ATXN3: variants seen among roughly 807,000 people sequenced by gnomAD.
The protein encoded by ATXN3 is ataxin-3.
In ATXN3, 28 loss-of-function variants were observed where a neutral mutation model predicts 58.2. The ratio of observed to expected loss-of-function variants is 0.48; its 90% CI spans 0.36 to 0.66. The LOEUF is 0.66. ATXN3 is among the 30% of genes least tolerant of loss of function. ATXN3 has a pLI of 0.00. For synonymous variants in ATXN3, 113 were observed against 138.5 expected, an observed-to-expected ratio of 0.82 and a Z score of 1.29; for missense variants, 321 against 422.1, an observed-to-expected ratio of 0.76 and a Z score of 2.10.
At chr14:92,071,174 T>C in intron 9 of ATXN3, 121 bp from the exon 10 acceptor site, 1 of 1,410,032 alleles carries the variant, frequency 7.1e-7, no homozygotes, top group Non-Finnish European at 9.7e-7. Flanking sequence ...TCACTGGTAT[T>C]AAAAGAATGC....
At chr14:92,052,419 C>T (rs1004119301), upstream of ATXN3, among the ~76,000 whole-genome samples, 18 of 151,604 alleles carry the variant, frequency 1.2e-4, no homozygotes, top group East Asian at 1.9e-4. Context: ...ACCCAGGAGG[C>T]GGAGGTTGCG....
At chr14:92,083,394 C>A in intron 6 of ATXN3, 136 bp from the exon 7 acceptor site, 1 of 888,362 alleles carries the variant, frequency 1.1e-6, no homozygotes. Context: ...GACTTTAGTC[C>A]AAATAATGAT....
intron 1 of ATXN3, among the ~76,000 whole-genome samples, chr14:92,099,482 T>TCCTCCTTATATATTTCTACTA (rs2066222308): frequency 6.6e-6 from 1 of 152,228 alleles, no homozygotes; most frequent in Non-Finnish European, 1.5e-5. Context: ...CACTTCTTTC[T>TCCTCCTTATATATTTCTACTA]CCTCCTTATA....
chr14:92,057,015 T>C (rs2057473204), downstream of ATXN3, among the ~76,000 whole-genome samples: 1 of 152,216 alleles, frequency 6.6e-6, no homozygotes, highest in Non-Finnish European at 1.5e-5. Context: ...TCCTCCTCAC[T>C]GCTACACTCC....
chr14:92,076,483 G>A (rs1375910845), intron 9 of ATXN3, among the ~76,000 whole-genome samples: 2 of 147,010 alleles, frequency 1.4e-5, no homozygotes, highest in Non-Finnish European at 3.0e-5. Context: ...AGCTCAATTT[G>A]TTGGAAGTTT....
intron 5 of ATXN3, among the ~76,000 whole-genome samples, chr14:92,089,633 C>T (rs979369868): frequency 5.3e-5 from 8 of 152,108 alleles, no homozygotes; most frequent in Non-Finnish European, 7.4e-5. Context: ...CCACCGCGCC[C>T]GGCCCTGTTA....
intron 2 of ATXN3, among the ~76,000 whole-genome samples, chr14:92,045,292 G>A (rs532379584): frequency 6.6e-6 from 1 of 152,252 alleles, no homozygotes; most frequent in African/African-American, 2.4e-5. Context: ...AATACCAAGA[G>A]CCTGAGAAAC....
At chr14:92,080,840 T>C (rs752449425) in intron 9 of ATXN3, 125 bp downstream of exon 9, 2 of 859,292 alleles carry the variant, frequency 2.3e-6, no homozygotes, top group South Asian at 1.4e-5. Flanking sequence ...CCGTCCTATT[T>C]GCTGTAAATT....
At chr14:92,065,018 G>T (rs55851933) in intron 10 of ATXN3, among the ~76,000 whole-genome samples, 299 of 152,254 alleles carry the variant, frequency 2.0e-3, no homozygotes, top group South Asian at 4.6e-3. Flanking sequence ...TTTATCACAC[G>T]TGTATTCATG....
rs563999311 is a variant in ATXN3, at chr14:92,098,979, G to C, written c.25-2141C>G. 9.8e-5 allele frequency among the ~76,000 whole-genome samples: 15 copies of C among 152,294 alleles called. No individual in the cohort carries two copies. In the South Asian group the frequency reaches 2.9e-3, roughly 29 times the overall value. ...GTGCCTGGTACTAAGTAGCCTGCGT[G>C]TGACCCTCCTCCCCGCAACAGTGTA... On this transcript the variant is annotated intron_variant, in intron 1 of 10. Transcript: ENST00000644486.
intron 1 of ATXN3, among the ~76,000 whole-genome samples, chr14:92,104,686 G>A (rs530206594): frequency 1.3e-5 from 2 of 152,190 alleles, no homozygotes; most frequent in East Asian, 3.9e-4. Flanking sequence ...AGCACTTTGG[G>A]AGGCCGAGGC....
chr14:92,070,828 T>C (rs2059305585), intron 10 of ATXN3, 107 bp downstream of exon 10: 2 of 1,599,380 alleles, frequency 1.3e-6, no homozygotes, highest in South Asian at 2.2e-5. Context: ...ATTCTTAATA[T>C]GATTAAAGAG....
chr14:92,105,901 C>A (rs1251389671), intron 1 of ATXN3, among the ~76,000 whole-genome samples: 1 of 152,184 alleles, frequency 6.6e-6, no homozygotes, highest in Admixed American at 6.5e-5. Context: ...AATAAAAACT[C>A]TTGTGACGAC....
In ATXN3 at chr14:92,081,007, G is replaced by T; in HGVS notation, c.830C>A (p.Thr277Asn). The T allele has an allele frequency of 6.2e-7, 1 of 1,612,872 alleles. No individual in the cohort carries two copies. The highest frequency in any genetic ancestry group is 8.5e-7 in the Non-Finnish European group (1 of 1,179,228). Reference protein sequence around the residue: ...DMTQTSGTNLTSEELRKRREA... With the variant: ...DMTQTSGTNLNSEELRKRREA... ...TCGTCTCTTCCGAAGCTCTTCTGAA[G>T]TAAGATTTGTACCTGATGTCTGTGT... The change falls in exon 9 of 11, where the codon ACT (threonine) becomes AAT (asparagine). Residue 277 changes from threonine (T) to asparagine (N), a missense_variant. By Grantham distance (65) the Thr-to-Asn change is moderately conservative. This residue lies in a region of ATXN3 where 200 missense variants were observed against 223.2 expected (regional missense o/e 0.90). Transcript: ENST00000644486.
chr14:92,064,024 GA>G lies in ATXN3; in HGVS notation c.*295del. On this transcript the variant is annotated 3_prime_UTR_variant, in exon 11 of 11. Transcript: ENST00000644486. ...TTAGCTAGTCTGCAAAAAGATCCAA[GA>G]AAAATGCCCTAACTTTAGACATGTT... 5.6e-6 allele frequency: 1 copy of G among 179,384 alleles called. No individual in the cohort carries two copies. The highest frequency in any genetic ancestry group is 1.2e-5 in the Non-Finnish European group (1 of 85,844). The allele number at this position is 179,384 out of a possible 1,614,324, so 11.1% of individuals were successfully genotyped here.
chr14:92,082,270 T>C (rs1198294181), intron 8 of ATXN3, 30 bp downstream of exon 8: 4 of 1,574,640 alleles, frequency 2.5e-6, no homozygotes, highest in South Asian at 1.2e-5. Flanking sequence ...TCTTCAGCAA[T>C]GAATACAACA....
At chr14:92,082,752 T>A (rs891842898) in intron 7 of ATXN3, among the ~76,000 whole-genome samples, 17 of 150,676 alleles carry the variant, frequency 1.1e-4, no homozygotes, top group African/African-American at 3.7e-4. Context: ...CAGTTTCAGG[T>A]GATCCTTCTT....
chr14:92,091,092 A>G (rs572103953), intron 5 of ATXN3, among the ~76,000 whole-genome samples: 1 of 151,480 alleles, frequency 6.6e-6, no homozygotes, highest in African/African-American at 2.4e-5. Flanking sequence ...GCTAGCCTCC[A>G]CTGTAAGCTT....
intron 6 of ATXN3, among the ~76,000 whole-genome samples, chr14:92,088,092 G>A (rs533393923): frequency 2.7e-4 from 40 of 150,378 alleles, no homozygotes; most frequent in Non-Finnish European, 4.0e-4. Flanking sequence ...TTTTTGAGAC[G>A]GAGTCTCGCT....
Sources: gnomAD v4.1 joint callset for allele counts (sites outside exome capture counted in the v4.1 genomes callset) on GRCh38, gnomAD v4.1.1 for gene constraint, gnomAD v4.1.1 regional missense constraint, MANE v1.5 for transcripts, NCBI Gene and HGNC (gene_info 2026-07-23, HGNC 2026-07-21) for gene names.